LSAMP: variants seen among roughly 807,000 people sequenced by gnomAD.
LSAMP encodes limbic system associated membrane protein, also known as limbic system-associated membrane protein.
In LSAMP, 7 loss-of-function variants were observed where a neutral mutation model predicts 38.6. That is an observed-to-expected ratio of 0.18 (90% CI 0.10 to 0.34). LSAMP has a LOEUF of 0.34. LSAMP is among the 10% of genes least tolerant of loss of function. LSAMP has a pLI of 1.00. For synonymous variants in LSAMP, 154 were observed against 166.8 expected (o/e 0.92, Z 0.59); for missense variants, 313 against 420.0 (o/e 0.75, Z 2.23).
intron 6 of LSAMP, among the ~76,000 whole-genome samples, chr3:115,837,665 A>G (rs1462696101): frequency 2.0e-5 from 3 of 152,082 alleles, no homozygotes; most frequent in African/African-American, 7.2e-5. Flanking sequence ...AAAAAGGAGA[A>G]AAAAAAATAG....
chr3:115,970,851 C>G (rs1313136165), intron 3 of LSAMP, among the ~76,000 whole-genome samples: 1 of 152,164 alleles, frequency 6.6e-6, no homozygotes, highest in Non-Finnish European at 1.5e-5. Context: ...AACTTTTCTT[C>G]CACTGAATTC....
chr3:115,818,677 GGA>G (rs1341983064), intron 6 of LSAMP, among the ~76,000 whole-genome samples: 4 of 148,466 alleles, frequency 2.7e-5, no homozygotes, highest in African/African-American at 9.9e-5. Flanking sequence ...CAATTTTAGT[GGA>G]GAGAGAAAAA....
intron 1 of LSAMP, among the ~76,000 whole-genome samples, chr3:116,236,981 T>C (rs7649634): frequency 9.2e-5 from 14 of 151,478 alleles, no homozygotes; most frequent in South Asian, 4.2e-4. Context: ...TATACATATA[T>C]ACACATACAT....
intron 1 of LSAMP, among the ~76,000 whole-genome samples, chr3:116,207,100 C>T (rs1469307078): frequency 1.4e-4 from 21 of 152,126 alleles, no homozygotes; most frequent in African/African-American, 4.6e-4. Context: ...GTATTGGGTG[C>T]ATATATATTT....
intron 2 of LSAMP, among the ~76,000 whole-genome samples, chr3:116,034,531 T>G (rs1192725110): frequency 1.3e-5 from 2 of 152,156 alleles, no homozygotes; most frequent in Non-Finnish European, 2.9e-5. Flanking sequence ...GAAAGCACAG[T>G]GCCTAGTTTG....
At chr3:115,885,257 T>C (rs1041891086) in intron 3 of LSAMP, among the ~76,000 whole-genome samples, 2 of 151,974 alleles carry the variant, frequency 1.3e-5, no homozygotes, top group African/African-American at 4.8e-5. Flanking sequence ...TTCATTCCTC[T>C]TTAGGAGAGA....
intron 3 of LSAMP, among the ~76,000 whole-genome samples, chr3:115,902,992 A>G (rs577387578): frequency 1.2e-4 from 19 of 152,182 alleles, no homozygotes; most frequent in South Asian, 4.1e-4. Context: ...CTTGGTACAT[A>G]CCCAAAGGAT....
chr3:116,329,654 C>T (rs749003291), intron 1 of LSAMP, among the ~76,000 whole-genome samples: 2 of 152,054 alleles, frequency 1.3e-5, no homozygotes, highest in African/African-American at 4.8e-5. Context: ...CAAGTATTTA[C>T]ATATTATTCA....
At chr3:116,309,010 A>G (rs902106162) in intron 1 of LSAMP, among the ~76,000 whole-genome samples, 9 of 152,104 alleles carry the variant, frequency 5.9e-5, no homozygotes, top group Non-Finnish European at 1.3e-4. Flanking sequence ...CCTTTGCCTC[A>G]TTCTACAGCA....
chr3:115,842,409 C>A, intron 5 of LSAMP, 49 bp downstream of exon 5: 1 of 1,602,636 alleles, frequency 6.2e-7, no homozygotes, highest in Non-Finnish European at 8.5e-7. Context: ...TTCTGGTGTC[C>A]CCAGGCCCAT....
chr3:116,110,638 A>C (rs1284778510), intron 1 of LSAMP, among the ~76,000 whole-genome samples: 2 of 152,160 alleles, frequency 1.3e-5, no homozygotes, highest in East Asian at 3.9e-4. Context: ...AAGAGTGTAA[A>C]AAGAGGCCGC....
chr3:115,854,038 G>A (rs946328516), intron 3 of LSAMP, among the ~76,000 whole-genome samples: 18 of 151,906 alleles, frequency 1.2e-4, no homozygotes, highest in African/African-American at 4.4e-4. Flanking sequence ...TTCTTTGCTA[G>A]CATTCTATAA....
chr3:116,035,132 A>G (rs1941018786), intron 2 of LSAMP, among the ~76,000 whole-genome samples: 1 of 152,200 alleles, frequency 6.6e-6, no homozygotes, highest in African/African-American at 2.4e-5. Flanking sequence ...ATTATTATAG[A>G]TGTTTTTTAA....
At chr3:115,898,617 A>ATATATATATATC (rs1553746027) in intron 3 of LSAMP, among the ~76,000 whole-genome samples, 1 of 149,840 alleles carries the variant, frequency 6.7e-6, no homozygotes, top group Non-Finnish European at 1.5e-5. Flanking sequence ...ATATATATAT[A>ATATATATATATC]TATATATGCA....
At chr3:116,261,760 T>C (rs2046830192) in intron 1 of LSAMP, among the ~76,000 whole-genome samples, 1 of 151,908 alleles carries the variant, frequency 6.6e-6, no homozygotes, top group African/African-American at 2.4e-5. Context: ...TCTTAGATCA[T>C]TCTCTTTTTC....
chr3:116,438,419 A>G (rs1015087197), intron 1 of LSAMP, among the ~76,000 whole-genome samples: 20 of 152,168 alleles, frequency 1.3e-4, no homozygotes, highest in African/African-American at 4.1e-4. Context: ...ACAGTATTTC[A>G]TGCTATTAAG....
chr3:116,269,098 G>A (rs2046934724), intron 1 of LSAMP, among the ~76,000 whole-genome samples: 1 of 151,944 alleles, frequency 6.6e-6, no homozygotes, highest in Non-Finnish European at 1.5e-5. Context: ...CATCACCTCT[G>A]TTCATCCCCT....
intron 1 of LSAMP, among the ~76,000 whole-genome samples, chr3:116,319,589 G>T (rs1487268790): frequency 6.6e-6 from 1 of 152,048 alleles, no homozygotes; most frequent in Admixed American, 6.6e-5. Context: ...ATATGAAAAA[G>T]AACACTAGCT....
At chr3:116,408,499 G>T (rs1394419066) in intron 1 of LSAMP, among the ~76,000 whole-genome samples, 1 of 151,996 alleles carries the variant, frequency 6.6e-6, no homozygotes, top group Non-Finnish European at 1.5e-5. Flanking sequence ...GAGTTTTCCT[G>T]CCTAGCAACT....
Sources: allele counts gnomAD v4.1 joint callset (sites outside exome capture counted in the v4.1 genomes callset), GRCh38; gene constraint gnomAD v4.1.1; transcripts MANE v1.5; gene names NCBI Gene and HGNC (gene_info 2026-07-23, HGNC 2026-07-21).